The following TOX4 variants were observed in gnomAD, a reference collection of about 807,000 sequenced individuals.
The protein encoded by TOX4 is epidermal Langerhans cell protein LCP1.
In TOX4, 12 loss-of-function variants were observed where a neutral mutation model predicts 61.0. The ratio of observed to expected loss-of-function variants is 0.20; its 90% CI spans 0.13 to 0.32. The LOEUF (loss-of-function observed/expected upper bound fraction) is 0.32. TOX4 is among the 10% of genes least tolerant of loss of function. The probability of loss-of-function intolerance (pLI) is 1.00; values close to 1 mark genes in which losing one functional copy is unlikely to be tolerated. For synonymous variants in TOX4, 268 were observed against 274.8 expected (o/e 0.98, Z 0.24); for missense variants, 499 against 753.3 (o/e 0.66, Z 3.95).
rs1566482596 is a variant in TOX4 at position 21,488,647 on chromosome 14, G to A, written c.376G>A (p.Val126Ile). 1 of 1,614,108 alleles carries A rather than the reference G, an allele frequency of 6.2e-7. No homozygotes were observed. The highest frequency in any genetic ancestry group is 8.5e-7 in the Non-Finnish European group (1 of 1,180,016). ...TGCCAACCCACCTGTTACAATTGATGTACCAATGACAGACATGACATCTGG... is the reference window on the plus strand; with the variant it reads ...TGCCAACCCACCTGTTACAATTGATATACCAATGACAGACATGACATCTGG... The part of the protein sequence containing the change: ...YSANPPVTID[V>I]PMTDMTSGLM... Residue 126 changes from valine to isoleucine, a missense_variant, in exon 4 of 9, where the codon GTA (valine) becomes ATA (isoleucine). Physicochemically the swap from Val to Ile is conservative, Grantham distance 29. Transcript: ENST00000448790.
chr14:21,487,402 C>T, intron 2 of TOX4, 49 bp from the exon 3 acceptor site: 1 of 1,594,642 alleles, frequency 6.3e-7, no homozygotes, highest in Non-Finnish European at 8.6e-7. Flanking sequence ...TAGTAGTATG[C>T]CATTTCTCCT....
chr14:21,487,896 G>A, intron 3 of TOX4: 1 of 550,022 alleles, frequency 1.8e-6, no homozygotes. Context: ...ATTTAAAATT[G>A]TACAATGTCT....
intron 2 of TOX4, among the ~76,000 whole-genome samples, chr14:21,484,409 C>A (rs902483998): frequency 8.0e-6 from 1 of 124,810 alleles, no homozygotes; most frequent in African/African-American, 3.0e-5. Flanking sequence ...AGTGCAGTGG[C>A]ACAATCTCGG....
chr14:21,496,689 C>T lies in TOX4; in HGVS notation c.*83C>T, dbSNP rs1407848441. ...TGTTTTTGAAACACAAGCTGGGCTT[C>T]TGGTAGTGCCTCATCACAACCCATG... On this transcript the variant is annotated 3_prime_UTR_variant, in exon 9 of 9. Coordinates refer to ENST00000448790, the MANE Select transcript of TOX4 (RefSeq NM_014828.4). 1.6e-6 allele frequency: 2 copies of T among 1,213,670 alleles called. No homozygotes were observed. Among genetic ancestry groups the T allele is most frequent in the Non-Finnish European group, 2.4e-6 (2 of 828,190 alleles). The allele number at this position is 1,213,670 out of a possible 1,614,324, so 75.2% of individuals were successfully genotyped here. A position where few individuals can be genotyped will look rare whatever the true frequency, so the allele number is the denominator to read the frequency against.
rs1470051798 is a variant in TOX4, at chr14:21,495,285, C to T, written c.1698C>T (p.Leu566=). 6.2e-7 allele frequency: 1 copy of T among 1,614,178 alleles called. No individual in the cohort carries two copies. The highest frequency in any genetic ancestry group is 8.5e-7 in the Non-Finnish European group (1 of 1,180,028). Residue 566 remains leucine, a synonymous_variant, in exon 8 of 9, where the codon CTC becomes CTT. Transcript: ENST00000448790. ...TGGTGAGTGGGTCTCCTGTGGCACT[C>T]TCACCCCAGCCTCGATGTGTGAGGT... The part of the protein sequence containing the change: ...VELVSGSPVA[L]SPQPRCVRSG...
Position 21,487,492 on chromosome 14 carries a change from C to T in TOX4, c.117C>T (p.Ile39=), listed in dbSNP as rs1237221752. ...TPSLGDEEFE[I]PPISLDSDPS... Reference sequence around the variant, plus strand: ...GCTTGGGTGATGAGGAATTTGAAATCCCACCTATCTCCTTGGATTCTGATC... The same window carrying T: ...GCTTGGGTGATGAGGAATTTGAAATTCCACCTATCTCCTTGGATTCTGATC... The change falls in exon 3 of 9, where the codon ATC becomes ATT. Residue 39 remains isoleucine, a synonymous_variant. Transcript: ENST00000448790. The T allele has an allele frequency of 6.2e-7, 1 of 1,614,018 alleles. No individual in the cohort carries two copies. Among genetic ancestry groups the T allele is most frequent in the Non-Finnish European group, 8.5e-7 (1 of 1,179,924 alleles).
intron 4 of TOX4, 22 bp from the exon 5 acceptor site, chr14:21,489,151 C>G: frequency 1.2e-6 from 2 of 1,606,012 alleles, no homozygotes; most frequent in Non-Finnish European, 1.7e-6. Flanking sequence ...TTGTGTAATT[C>G]TCTCTTTTTT....
At chr14:21,494,791 C>T (rs563163443) in intron 7 of TOX4, among the ~76,000 whole-genome samples, 2 of 151,004 alleles carry the variant, frequency 1.3e-5, no homozygotes, top group African/African-American at 4.9e-5. Context: ...CGGTGATGGG[C>T]GCCTGTAATC....
At chr14:21,492,412 G>C in intron 6 of TOX4, 36 bp downstream of exon 6, 1 of 1,610,918 alleles carries the variant, frequency 6.2e-7, no homozygotes. Context: ...ATTTAAACCA[G>C]TAAGAAGTTT....
At position 21,477,227 on chromosome 14, in the gene TOX4, G is replaced by A. The variant is rs1891005209; in HGVS notation, c.-52G>A. 5 of 1,614,096 alleles carry A rather than the reference G, an allele frequency of 3.1e-6. 1 individual carries two copies. Among genetic ancestry groups the A allele is most frequent in the South Asian group, 2.2e-5 (2 of 91,082 alleles). On this transcript the variant is annotated 5_prime_UTR_variant, in exon 1 of 9. Transcript: ENST00000448790. Reference sequence around the variant, plus strand: ...AAGTGACGGCAGTTCCGAGTCCAGTGGGGGCGGTGGGAGCGATGAGGGTCT... The same window carrying A: ...AAGTGACGGCAGTTCCGAGTCCAGTAGGGGCGGTGGGAGCGATGAGGGTCT...
chr14:21,498,431 TA>T lies in TOX4; in HGVS notation c.*1831del. ...CTGGAATTAGAGGGTTTAATATTGT[TA>T]AAAAATGCATACCAAATGAAGACTG... On this transcript the variant is annotated 3_prime_UTR_variant, in exon 9 of 9. Transcript: ENST00000448790. The T allele has an allele frequency of 6.7e-7, 1 of 1,503,026 alleles. No homozygotes were observed. Among genetic ancestry groups the T allele is most frequent in the Non-Finnish European group, 9.2e-7 (1 of 1,089,380 alleles). The allele number at this position is 1,503,026 out of a possible 1,614,324, so 93.1% of individuals were successfully genotyped here. A position where few individuals can be genotyped will look rare whatever the true frequency, so the allele number is the denominator to read the frequency against.
chr14:21,485,820 C>T lies in TOX4; in HGVS notation c.76-1631C>T, dbSNP rs1209593918. On this transcript the variant is annotated intron_variant, in intron 2 of 8. Transcript: ENST00000448790. ...GGTGGAGGTTGTAGTGAGCCAAGAT[C>T]GCGCCACTGCACTCCAGCCTGGGCC... 2.1e-5 allele frequency among the ~76,000 whole-genome samples: 2 copies of T among 94,850 alleles called. 1 individual carries two copies. The highest frequency in any genetic ancestry group is 8.2e-5 in the African/African-American group (2 of 24,316). The allele number at this position is 94,850 out of a possible 152,430, so 62.2% of individuals were successfully genotyped here. A position where few individuals can be genotyped will look rare whatever the true frequency, so the allele number is the denominator to read the frequency against.
At chr14:21,480,421 C>G (rs754120537) in intron 2 of TOX4, among the ~76,000 whole-genome samples, 12 of 152,120 alleles carry the variant, frequency 7.9e-5, no homozygotes, top group South Asian at 4.1e-4. Flanking sequence ...TACACCTTCC[C>G]TTTCCCTTGG....
chr14:21,486,768 G>A (rs995350397), intron 2 of TOX4, among the ~76,000 whole-genome samples: 29 of 152,178 alleles, frequency 1.9e-4, no homozygotes, highest in African/African-American at 6.8e-4. Flanking sequence ...TTAGCCAACT[G>A]GAGTAATCCT....
At chr14:21,494,749 CAAAAA>C (rs71419140) in intron 7 of TOX4, among the ~76,000 whole-genome samples, 1 of 105,710 alleles carries the variant, frequency 9.5e-6, no homozygotes, top group Non-Finnish European at 1.9e-5. Flanking sequence ...GACTCCGTCT[CAAAAA>C]AAAAAAAAAA....
At chr14:21,493,447 G>C (rs1358967195) in intron 7 of TOX4, among the ~76,000 whole-genome samples, 190 bp downstream of exon 7, 1 of 151,118 alleles carries the variant, frequency 6.6e-6, no homozygotes, top group African/African-American at 2.4e-5. Flanking sequence ...TTTTTTTTTT[G>C]TTTGTTTGTT....
At chr14:21,487,738 G>T in intron 3 of TOX4, 45 bp downstream of exon 3, 1 of 1,555,342 alleles carries the variant, frequency 6.4e-7, no homozygotes, top group South Asian at 1.2e-5. Context: ...TAATGGGCAT[G>T]GCATTAGGGG....
chr14:21,478,800 C>CTTTT (rs537554535), intron 2 of TOX4, among the ~76,000 whole-genome samples: 2 of 150,948 alleles, frequency 1.3e-5, no homozygotes, highest in African/African-American at 4.9e-5. Context: ...GCTAGTTTAA[C>CTTTT]TTTTTTTTTC....
Position 21,498,810 on chromosome 14 carries a change from T to G in TOX4, c.*2204T>G, listed in dbSNP as rs1276161187. ...TGGGTTGTGAAGAGAGTAGAAACCC[T>G]AGGGAGCAGTGCTTTTGGGTCCTAG... On this transcript the variant is annotated 3_prime_UTR_variant, in exon 9 of 9. Coordinates refer to ENST00000448790, the MANE Select transcript of TOX4 (RefSeq NM_014828.4). The G allele has an allele frequency of 8.0e-5, 44 of 547,810 alleles. 1 individual carries two copies. Among genetic ancestry groups the G allele is most frequent in the Non-Finnish European group, 1.1e-4 (35 of 306,874 alleles). The allele number at this position is 547,810 out of a possible 1,614,324, so 33.9% of individuals were successfully genotyped here.
Sources: allele counts gnomAD v4.1 joint callset (sites outside exome capture counted in the v4.1 genomes callset), GRCh38; gene constraint gnomAD v4.1.1; transcripts MANE v1.5; gene names NCBI Gene and HGNC (gene_info 2026-07-23, HGNC 2026-07-21).